The following EPB41L4B variants were observed in gnomAD, a reference collection of about 807,000 sequenced individuals.
EPB41L4B encodes the protein erythrocyte membrane protein band 4.1 like 4B.
A neutral mutation model predicts 112.5 loss-of-function variants in EPB41L4B; 30 were observed. The observed-to-expected ratio is 0.27, with a 90% confidence interval of 0.20 to 0.36. EPB41L4B has a LOEUF of 0.36. Ranked by LOEUF, EPB41L4B falls within the 10% of genes least tolerant of loss-of-function variation. The probability of loss-of-function intolerance (pLI) is 1.00; values close to 1 mark genes in which losing one functional copy is unlikely to be tolerated. For missense variants in EPB41L4B, 1,024 were observed against 1,133.3 expected (o/e 0.90, Z 1.38); for synonymous variants, 408 against 439.7 (o/e 0.93, Z 0.90).
At chr9:109,309,469 C>T (rs926042159) in intron 1 of EPB41L4B, among the ~76,000 whole-genome samples, 3 of 152,090 alleles carry the variant, frequency 2.0e-5, no homozygotes, top group Admixed American at 6.5e-5. Context: ...ACCTCAGAAG[C>T]GGAACGGGAT....
intron 21 of EPB41L4B, 141 bp downstream of exon 21, chr9:109,194,079 T>G: frequency 1.2e-6 from 1 of 868,618 alleles, no homozygotes; most frequent in Non-Finnish European, 1.7e-6. Flanking sequence ...TAAAAACATG[T>G]TCTGGTTGTT....
intron 1 of EPB41L4B, among the ~76,000 whole-genome samples, chr9:109,304,011 C>T (rs1014986914): frequency 6.6e-6 from 1 of 152,140 alleles, no homozygotes; most frequent in Non-Finnish European, 1.5e-5. Context: ...AAGAATGAAG[C>T]AGATGGATGC....
chr9:109,311,266 G>A (rs1304089264), intron 1 of EPB41L4B, among the ~76,000 whole-genome samples: 1 of 152,208 alleles, frequency 6.6e-6, no homozygotes, highest in Middle Eastern at 3.2e-3. Flanking sequence ...CTCAGCAAGT[G>A]AACAGGTAGA....
intron 19 of EPB41L4B, among the ~76,000 whole-genome samples, chr9:109,202,682 G>A (rs915685296): frequency 1.3e-5 from 2 of 152,204 alleles, no homozygotes; most frequent in African/African-American, 2.4e-5. Flanking sequence ...GTTTGGGGTG[G>A]TGGTGGCCTG....
intron 1 of EPB41L4B, among the ~76,000 whole-genome samples, chr9:109,291,615 A>G (rs867706974): frequency 2.6e-5 from 4 of 152,348 alleles, no homozygotes; most frequent in Non-Finnish European, 5.9e-5. Flanking sequence ...ACAATCTCTT[A>G]GAAATCAGAG....
intron 1 of EPB41L4B, among the ~76,000 whole-genome samples, chr9:109,287,791 G>A (rs1412405624): frequency 6.6e-6 from 1 of 151,950 alleles, no homozygotes; most frequent in Non-Finnish European, 1.5e-5. Flanking sequence ...ACTCCACTAT[G>A]GGGTCCCACT....
intron 6 of EPB41L4B, among the ~76,000 whole-genome samples, chr9:109,259,503 T>A (rs1835120261): frequency 6.6e-6 from 1 of 152,048 alleles, no homozygotes; most frequent in Admixed American, 6.5e-5. Flanking sequence ...CAATTTGCAA[T>A]CTCTGCAGCC....
intron 15 of EPB41L4B, among the ~76,000 whole-genome samples, chr9:109,220,168 G>T (rs1309332017): frequency 6.6e-6 from 1 of 152,180 alleles, no homozygotes; most frequent in Non-Finnish European, 1.5e-5. Flanking sequence ...ATCAGAGGAG[G>T]TGTGTTATTT....
chr9:109,235,842 A>G (rs990947031), intron 15 of EPB41L4B, among the ~76,000 whole-genome samples: 6 of 152,156 alleles, frequency 3.9e-5, no homozygotes, highest in Non-Finnish European at 8.8e-5. Flanking sequence ...TAATTCTCTT[A>G]TCAGTGAGAT....
At chr9:109,307,246 C>T (rs752287869) in intron 1 of EPB41L4B, 7 of 493,892 alleles carry the variant, frequency 1.4e-5, no homozygotes, top group East Asian at 1.1e-4. Context: ...TTTCCAGGAG[C>T]GTCTTTAATT....
chr9:109,216,830 C>T (rs1833387231), intron 16 of EPB41L4B, 92 bp downstream of exon 16: 2 of 1,292,346 alleles, frequency 1.5e-6, no homozygotes, highest in South Asian at 1.2e-5. Context: ...GTGTGCTGCA[C>T]CGCAAGGGTC....
chr9:109,271,156 C>T (rs932126583), intron 2 of EPB41L4B, among the ~76,000 whole-genome samples: 1 of 152,218 alleles, frequency 6.6e-6, no homozygotes, highest in Non-Finnish European at 1.5e-5. Flanking sequence ...CAGACCACAG[C>T]CAGATGCTGG....
intron 11 of EPB41L4B, among the ~76,000 whole-genome samples, chr9:109,253,935 A>G (rs948910312): frequency 6.6e-6 from 1 of 152,236 alleles, no homozygotes. Flanking sequence ...TACCCACTTA[A>G]CTAGGTCTCA....
intron 17 of EPB41L4B, among the ~76,000 whole-genome samples, chr9:109,210,412 T>C (rs749978529): frequency 5.3e-5 from 8 of 152,244 alleles, no homozygotes; most frequent in Admixed American, 6.5e-5. Flanking sequence ...AGGAGTCAAA[T>C]TGGTTATAAA....
intron 15 of EPB41L4B, among the ~76,000 whole-genome samples, chr9:109,223,699 T>C (rs1302656550): frequency 6.6e-6 from 1 of 152,002 alleles, no homozygotes; most frequent in African/African-American, 2.4e-5. Flanking sequence ...AGTTCGGTGG[T>C]TTGAAAACCT....
chr9:109,224,459 T>C (rs1053047743), intron 15 of EPB41L4B, among the ~76,000 whole-genome samples: 1 of 152,160 alleles, frequency 6.6e-6, no homozygotes, highest in African/African-American at 2.4e-5. Context: ...AAGTATTATA[T>C]TATTCCATTT....
chr9:109,267,569 G>A lies in EPB41L4B; in HGVS notation c.455-18C>T, dbSNP rs1835454282. 3 of 1,522,772 alleles carry A rather than the reference G, an allele frequency of 2.0e-6. No homozygotes were observed. Among genetic ancestry groups the A allele is most frequent in the Middle Eastern group, 1.7e-4 (1 of 5,892 alleles). 94.3% of individuals were successfully genotyped at this position (1,522,772 alleles called of 1,614,324 possible). On this transcript the variant is annotated intron_variant, in intron 3 of 25. Transcript: ENST00000374566. Reference sequence around the variant, plus strand: ...AGGTCCAACTAAACATTTGGAGATGGAAGGTTGAAGATGTTTTTCCCCCAG... The same window carrying A: ...AGGTCCAACTAAACATTTGGAGATGAAAGGTTGAAGATGTTTTTCCCCCAG...
intron 13 of EPB41L4B, among the ~76,000 whole-genome samples, chr9:109,250,778 C>T (rs890752247): frequency 6.6e-6 from 1 of 152,196 alleles, no homozygotes; most frequent in Non-Finnish European, 1.5e-5. Context: ...ACACCTGTGC[C>T]AGGGAAGAGG....
intron 15 of EPB41L4B, among the ~76,000 whole-genome samples, chr9:109,226,629 TGAAG>T (rs1443190409): frequency 8.9e-5 from 12 of 134,346 alleles, no homozygotes; most frequent in African/African-American, 3.6e-4. Context: ...TATATATATA[TGAAG>T]AATATATATA....
Sources: allele counts gnomAD v4.1 joint callset (sites outside exome capture counted in the v4.1 genomes callset), GRCh38; gene constraint gnomAD v4.1.1; transcripts MANE v1.5; gene names NCBI Gene and HGNC (gene_info 2026-07-23, HGNC 2026-07-21).